The following LMBRD2 variants were observed in gnomAD, a reference collection of about 807,000 sequenced individuals.
The protein encoded by LMBRD2 is G protein-coupled receptor-associated protein LMBRD2.
A neutral mutation model predicts 94.4 loss-of-function variants in LMBRD2; 55 were observed. The observed-to-expected ratio is 0.58, with a 90% CI of 0.47 to 0.73. The LOEUF (loss-of-function observed/expected upper bound fraction) is 0.73, where lower values mean the gene tolerates loss of function less well. LMBRD2 is among the 30% of genes least tolerant of loss of function. LMBRD2 has a pLI of 0.00. For missense variants in LMBRD2, 640 were observed against 831.9 expected, an observed-to-expected ratio of 0.77 and a Z score of 2.84; for synonymous variants, 246 against 272.4, an observed-to-expected ratio of 0.90 and a Z score of 0.95.
intron 10 of LMBRD2, among the ~76,000 whole-genome samples, chr5:36,117,499 GA>G (rs888297852): frequency 4.0e-5 from 6 of 148,758 alleles, no homozygotes; most frequent in South Asian, 2.1e-4. Context: ...AAAACAGAAA[GA>G]AAAAAAAAAT....
chr5:36,140,814 A>G (rs1038391788), intron 4 of LMBRD2, among the ~76,000 whole-genome samples: 2 of 152,220 alleles, frequency 1.3e-5, no homozygotes, highest in Non-Finnish European at 2.9e-5. Flanking sequence ...CAATGTTGAG[A>G]GCCCAGTTGA....
Position 36,143,253 on chromosome 5 carries a change from G to A in LMBRD2, c.97C>T (p.Leu33Phe). ...RYGDFKKQHR[L>F]VIIGTLLAWY... ...GCAAGCAGTGTTCCAATAATCACAA[G>A]TCTATGCTGTTTCTTAAAGTCTCCA... is the stretch of plus-strand genomic sequence containing the variant. The change falls in exon 2 of 18, where the codon CTT (leucine) becomes TTT (phenylalanine). Residue 33 changes from leucine to phenylalanine, a missense_variant. Physicochemically the swap from Leu to Phe is conservative, Grantham distance 22. Transcript: ENST00000296603. 6.2e-7 allele frequency: 1 copy of A among 1,612,452 alleles called. No individual in the cohort carries two copies. The highest frequency in any genetic ancestry group is 8.5e-7 in the Non-Finnish European group (1 of 1,178,604).
chr5:36,138,740 C>A (rs984929572), intron 4 of LMBRD2, among the ~76,000 whole-genome samples: 8 of 152,172 alleles, frequency 5.3e-5, no homozygotes, highest in African/African-American at 1.7e-4. Flanking sequence ...TAGTTGTGAT[C>A]AGATCAACAA....
Position 36,109,968 on chromosome 5 carries a change from C to G in LMBRD2, c.1768G>C (p.Glu590Gln). 1 of 1,608,104 alleles carries G rather than the reference C, an allele frequency of 6.2e-7. No individual in the cohort carries two copies. The highest frequency in any genetic ancestry group is 8.5e-7 in the Non-Finnish European group (1 of 1,175,506). ...RKEKRKRQRQ[E>Q]EGENRRREWK... ...ACTCTTCTTCGATTTTCACCTTCTT[C>G]TTGCCTTTGCCTTTTTCTCTTCTCT... is the stretch of plus-strand genomic sequence containing the variant. The change falls in exon 15 of 18, where the codon GAA (glutamate) becomes CAA (glutamine). Residue 590 changes from glutamate (E) to glutamine (Q), a missense_variant. This residue lies in a region of LMBRD2 where 183 missense variants were observed against 189.1 expected (regional missense o/e 0.97). Transcript: ENST00000296603.
chr5:36,141,411 T>C (rs1744406697), intron 3 of LMBRD2, among the ~76,000 whole-genome samples: 1 of 152,218 alleles, frequency 6.6e-6, no homozygotes, highest in Non-Finnish European at 1.5e-5. Context: ...AATAGATTGT[T>C]CTGAAAATGT....
chr5:36,140,731 G>T (rs1360832438), intron 4 of LMBRD2, among the ~76,000 whole-genome samples: 2 of 152,148 alleles, frequency 1.3e-5, no homozygotes, highest in African/African-American at 4.8e-5. Context: ...ACGGAAGTTT[G>T]AAGTGAATGG....
intron 4 of LMBRD2, among the ~76,000 whole-genome samples, chr5:36,139,656 T>A (rs1055489453): frequency 6.6e-6 from 1 of 152,176 alleles, no homozygotes; most frequent in Non-Finnish European, 1.5e-5. Context: ...ACAACCTGAC[T>A]ACAGATAGGA....
At chr5:36,123,489 T>C (rs1422978145) in intron 7 of LMBRD2, among the ~76,000 whole-genome samples, 1 of 152,032 alleles carries the variant, frequency 6.6e-6, no homozygotes, top group Non-Finnish European at 1.5e-5. Flanking sequence ...GTTAGAAAAG[T>C]GATTCCATGA....
At chr5:36,140,286 A>G (rs1389822057) in intron 4 of LMBRD2, among the ~76,000 whole-genome samples, 1 of 152,192 alleles carries the variant, frequency 6.6e-6, no homozygotes, top group Non-Finnish European at 1.5e-5. Context: ...CAGTGGCTGG[A>G]TCCCATGCTC....
intron 1 of LMBRD2, among the ~76,000 whole-genome samples, chr5:36,144,911 A>G (rs1744501956): frequency 6.6e-6 from 1 of 152,212 alleles, no homozygotes; most frequent in Admixed American, 6.5e-5. Flanking sequence ...AACAGTTTCC[A>G]TTTCAACTGT....
At chr5:36,136,269 G>A in intron 6 of LMBRD2, 40 bp downstream of exon 6, 5 of 1,574,954 alleles carry the variant, frequency 3.2e-6, no homozygotes, top group Non-Finnish European at 4.4e-6. Context: ...GGATACATAT[G>A]ACTTAGTGAC....
intron 16 of LMBRD2, among the ~76,000 whole-genome samples, chr5:36,107,947 A>G (rs1310980324): frequency 3.9e-5 from 6 of 152,114 alleles, no homozygotes; most frequent in African/African-American, 1.4e-4. Flanking sequence ...ACTCAGTTCA[A>G]GGTCCTAGGC....
At chr5:36,122,235 A>C in intron 9 of LMBRD2, 45 bp downstream of exon 9, 9 of 1,394,956 alleles carry the variant, frequency 6.5e-6, no homozygotes, top group Non-Finnish European at 8.8e-6. Context: ...TTTCTACAGA[A>C]AACTTTTCAT....
At chr5:36,142,730 T>C in intron 2 of LMBRD2, 131 bp from the exon 3 acceptor site, 1 of 551,190 alleles carries the variant, frequency 1.8e-6, no homozygotes, top group Non-Finnish European at 3.2e-6. Flanking sequence ...TTTTTTTTTT[T>C]TTCTTTTTGT....
At chr5:36,124,318 T>C in intron 6 of LMBRD2, 53 bp from the exon 7 acceptor site, 1 of 1,088,800 alleles carries the variant, frequency 9.2e-7, no homozygotes. Flanking sequence ...AGATCACATA[T>C]TCCAAATGAG....
rs760799082 is a variant in LMBRD2 at position 36,116,477 on chromosome 5, G to A, written c.1419C>T (p.Ser473=). The change falls in exon 11 of 18, where the codon AGC becomes AGT. Residue 473 remains serine (S), a synonymous_variant. Coordinates refer to ENST00000296603, the MANE Select transcript of LMBRD2 (RefSeq NM_001007527.2). ...LASHHQTDAY[S]LLFSGMLFCR... Reference sequence around the variant, plus strand: ...CTACTTACATGCCACTGAAAAGAAGGCTATAAGCATCAGTCTGGTGATGTG... The same window carrying A: ...CTACTTACATGCCACTGAAAAGAAGACTATAAGCATCAGTCTGGTGATGTG... 1.9e-6 allele frequency: 3 copies of A among 1,612,916 alleles called. No individual in the cohort carries two copies. The highest frequency in any genetic ancestry group is 3.3e-5 in the Admixed American group (2 of 59,992).
intron 13 of LMBRD2, among the ~76,000 whole-genome samples, chr5:36,112,540 T>C (rs1303286291): frequency 6.6e-6 from 1 of 152,206 alleles, no homozygotes; most frequent in African/African-American, 2.4e-5. Flanking sequence ...CAGGTGTTTC[T>C]ATAACAGAAG....
intron 1 of LMBRD2, chr5:36,147,793 T>TGA (rs147065942): frequency 0.013 from 4,250 of 316,862 alleles, 132 homozygotes; most frequent in African/African-American, 0.082. Context: ...CCAAATGTTT[T>TGA]GAGAGAGAGA....
chr5:36,137,763 T>C (rs141443908), intron 4 of LMBRD2, among the ~76,000 whole-genome samples: 2 of 151,996 alleles, frequency 1.3e-5, no homozygotes, highest in South Asian at 2.1e-4. Context: ...TTGGAACTAG[T>C]TGGGAGGGGG....
Sources: gnomAD v4.1 joint callset for allele counts (sites outside exome capture counted in the v4.1 genomes callset) on GRCh38, gnomAD v4.1.1 for gene constraint, gnomAD v4.1.1 regional missense constraint, MANE v1.5 for transcripts, NCBI Gene and HGNC (gene_info 2026-07-23, HGNC 2026-07-21) for gene names.